Variants in CAP2 observed in about 807,000 individuals in gnomAD.
CAP2 encodes the protein adenylyl cyclase-associated protein 2.
Under a neutral mutation model 57.7 loss-of-function variants are expected in CAP2, and 24 were observed. The observed-to-expected ratio is 0.42, with a 90% CI of 0.30 to 0.58. The LOEUF (loss-of-function observed/expected upper bound fraction) is 0.58, where lower values mean the gene tolerates loss of function less well. Ranked by LOEUF, CAP2 falls within the 20% of genes least tolerant of loss-of-function variation. The pLI is 0.22. For synonymous variants in CAP2, 194 were observed against 207.2 expected (o/e 0.94, Z 0.55); for missense variants, 501 against 590.3 (o/e 0.85, Z 1.57).
chr6:17,509,267 T>A (rs1029604015), intron 6 of CAP2, among the ~76,000 whole-genome samples: 4 of 152,098 alleles, frequency 2.6e-5, no homozygotes, highest in African/African-American at 9.7e-5. Context: ...TTTAAAAATA[T>A]TGAGTAGATA....
intron 7 of CAP2, among the ~76,000 whole-genome samples, chr6:17,516,992 CAT>C (rs1341495298): frequency 6.6e-6 from 1 of 151,958 alleles, no homozygotes; most frequent in Non-Finnish European, 1.5e-5. Context: ...AATTCAAAAA[CAT>C]GTGAAGGGTT....
chr6:17,412,179 C>A (rs963379375), intron 1 of CAP2, among the ~76,000 whole-genome samples: 9 of 152,134 alleles, frequency 5.9e-5, no homozygotes, highest in Admixed American at 3.9e-4. Context: ...TGGGCTCCCT[C>A]CTGCCTCAGT....
chr6:17,511,736 A>G (rs1762158393), intron 6 of CAP2, among the ~76,000 whole-genome samples: 1 of 152,166 alleles, frequency 6.6e-6, no homozygotes. Context: ...TTATAGGCGT[A>G]AGCCACCCCG....
At chr6:17,506,136 C>T (rs1340778194) in intron 4 of CAP2, among the ~76,000 whole-genome samples, 1 of 152,174 alleles carries the variant, frequency 6.6e-6, no homozygotes, top group African/African-American at 2.4e-5. Context: ...TGGCCCCAAG[C>T]GATCTTCCCG....
At chr6:17,444,804 C>CCACACACACACACACACA (rs142931025) in intron 3 of CAP2, among the ~76,000 whole-genome samples, 17 of 140,520 alleles carry the variant, frequency 1.2e-4, no homozygotes, top group African/African-American at 4.0e-4. Context: ...TTCTCTCTCT[C>CCACACACACACACACACA]CACACACACA....
At chr6:17,484,492 T>C (rs1046848264) in intron 4 of CAP2, among the ~76,000 whole-genome samples, 3 of 152,240 alleles carry the variant, frequency 2.0e-5, no homozygotes, top group Non-Finnish European at 2.9e-5. Context: ...AAAATACATC[T>C]GTCAGACTCA....
chr6:17,543,213 C>A, intron 11 of CAP2, 70 bp downstream of exon 11: 1 of 1,284,596 alleles, frequency 7.8e-7, no homozygotes, highest in Non-Finnish European at 1.1e-6. Context: ...TAAGCAGAGC[C>A]TTTCCAACCA....
chr6:17,484,754 C>G (rs1761380470), intron 4 of CAP2, among the ~76,000 whole-genome samples: 1 of 152,098 alleles, frequency 6.6e-6, no homozygotes, highest in Non-Finnish European at 1.5e-5. Flanking sequence ...GTAGAATTGC[C>G]TATAGTAAGA....
Position 17,502,716 on chromosome 6 carries a change from TAC to T in CAP2, c.301-4451_301-4450del, listed in dbSNP as rs1279098163. Among the ~76,000 whole-genome samples, 5 of 152,208 alleles carry T rather than the reference TAC, an allele frequency of 3.3e-5. No individual in the cohort carries two copies. The South Asian group carries it at 8.3e-4, about 25-fold the overall frequency. ...ATAAATCTCTCTAATGTTATAAATA[TAC>T]AGTTTCTGGTTCTTTTTCCCCTTGG... On this transcript the variant is annotated intron_variant, in intron 4 of 12. Coordinates refer to ENST00000229922, the MANE Select transcript of CAP2 (RefSeq NM_006366.3).
intron 12 of CAP2, among the ~76,000 whole-genome samples, chr6:17,552,604 C>T (rs1395398704): frequency 6.6e-6 from 1 of 152,162 alleles, no homozygotes; most frequent in Non-Finnish European, 1.5e-5. Flanking sequence ...TGCATTCCAG[C>T]CGGGGCGACA....
intron 4 of CAP2, among the ~76,000 whole-genome samples, chr6:17,504,988 A>T (rs963451879): frequency 3.9e-5 from 6 of 152,200 alleles, no homozygotes; most frequent in African/African-American, 1.4e-4. Flanking sequence ...ATTTTAAACA[A>T]ATGAATATCA....
At chr6:17,456,875 T>C (rs1760585154) in intron 3 of CAP2, among the ~76,000 whole-genome samples, 1 of 152,106 alleles carries the variant, frequency 6.6e-6, no homozygotes, top group South Asian at 2.1e-4. Context: ...CAGCCTGTAG[T>C]TCTTCCAGTG....
At chr6:17,410,158 C>G (rs1369289595) in intron 1 of CAP2, among the ~76,000 whole-genome samples, 1 of 152,146 alleles carries the variant, frequency 6.6e-6, no homozygotes, top group Non-Finnish European at 1.5e-5. Context: ...CTTTGGTAGC[C>G]TCTCTACTTC....
At chr6:17,523,664 C>T (rs959773586) in intron 7 of CAP2, among the ~76,000 whole-genome samples, 1 of 152,096 alleles carries the variant, frequency 6.6e-6, no homozygotes, top group Non-Finnish European at 1.5e-5. Flanking sequence ...ACAGGCTGGC[C>T]AGTGATACCA....
chr6:17,452,526 C>A (rs565613326), intron 3 of CAP2, among the ~76,000 whole-genome samples: 23 of 152,270 alleles, frequency 1.5e-4, no homozygotes, highest in African/African-American at 5.5e-4. Flanking sequence ...TTATTTTATT[C>A]TTGGCTATGA....
intron 6 of CAP2, among the ~76,000 whole-genome samples, chr6:17,509,254 A>T (rs1261009487): frequency 2.0e-5 from 3 of 152,162 alleles, no homozygotes; most frequent in Admixed American, 2.0e-4. Context: ...AGATTTTTTT[A>T]TTTTTAAAAA....
intron 2 of CAP2, among the ~76,000 whole-genome samples, chr6:17,422,764 C>G (rs1235381590): frequency 6.6e-6 from 1 of 152,110 alleles, no homozygotes. Flanking sequence ...ATATGGCAAG[C>G]TCTCCAAGTT....
intron 7 of CAP2, among the ~76,000 whole-genome samples, chr6:17,526,293 T>C (rs997460357): frequency 4.6e-5 from 7 of 151,994 alleles, no homozygotes; most frequent in Admixed American, 3.9e-4. Context: ...AATTTTTGTA[T>C]TTTTAGTAGA....
At chr6:17,447,067 G>C (rs1257116754) in intron 3 of CAP2, among the ~76,000 whole-genome samples, 1 of 152,040 alleles carries the variant, frequency 6.6e-6, no homozygotes, top group Non-Finnish European at 1.5e-5. Context: ...CTGTCACCCA[G>C]GCTGGAGTGT....
Sources: allele counts gnomAD v4.1 joint callset (sites outside exome capture counted in the v4.1 genomes callset), GRCh38; gene constraint gnomAD v4.1.1; transcripts MANE v1.5; gene names NCBI Gene and HGNC (gene_info 2026-07-23, HGNC 2026-07-21).